Variants in KCNB2 observed in about 807,000 individuals in gnomAD.
The protein encoded by KCNB2 is delayed rectifier potassium channel protein.
Under a neutral mutation model 61.5 loss-of-function variants are expected in KCNB2, and 15 were observed. That is an observed-to-expected ratio of 0.24 (90% CI 0.16 to 0.38). The LOEUF (loss-of-function observed/expected upper bound fraction) is 0.38. Ranked by LOEUF, KCNB2 falls within the 10% of genes least tolerant of loss-of-function variation. The probability of loss-of-function intolerance (pLI) is 1.00; values close to 1 mark genes in which losing one functional copy is unlikely to be tolerated. For missense variants in KCNB2, 828 were observed against 1,125.2 expected (o/e 0.74, Z 3.78); for synonymous variants, 457 against 446.0 (o/e 1.02, Z -0.31).
chr8:72,783,965 C>A (rs1368395530), intron 2 of KCNB2, among the ~76,000 whole-genome samples: 1 of 152,068 alleles, frequency 6.6e-6, no homozygotes, highest in African/African-American at 2.4e-5. Context: ...AGCTGCCTTG[C>A]CATTTAGGAT....
intron 2 of KCNB2, among the ~76,000 whole-genome samples, chr8:72,903,820 ACCT>A (rs1806127177): frequency 2.6e-5 from 4 of 152,140 alleles, no homozygotes; most frequent in Non-Finnish European, 5.9e-5. Context: ...TAGGTGGATT[ACCT>A]AGGTTTTAGA....
At chr8:72,930,877 C>T (rs910534762) in intron 2 of KCNB2, among the ~76,000 whole-genome samples, 13 of 152,152 alleles carry the variant, frequency 8.5e-5, no homozygotes, top group African/African-American at 7.2e-5. Flanking sequence ...TTGCCCATGC[C>T]TATGTCCTGA....
At position 72,537,254 on chromosome 8, in the gene KCNB2, G is replaced by C. The variant is rs1297415009; in HGVS notation, c.-725G>C. ...CCCTGTGTGCGCGCCGGGCCGGCTA[G>C]CTGCGGGGCGGGGGAGCGGCGCCCC... On this transcript the variant is annotated 5_prime_UTR_variant, in exon 1 of 3. Transcript: ENST00000523207. 1 of 151,596 alleles carries C rather than the reference G, an allele frequency of 6.6e-6. No individual in the cohort carries two copies. The highest frequency in any genetic ancestry group is 2.0e-4 in the East Asian group (1 of 5,086). 9.4% of individuals were successfully genotyped at this position (151,596 alleles called of 1,614,324 possible). A position where few individuals can be genotyped will look rare whatever the true frequency, so the allele number is the denominator to read the frequency against.
chr8:72,733,430 G>A (rs917320626), intron 2 of KCNB2, among the ~76,000 whole-genome samples: 1 of 152,102 alleles, frequency 6.6e-6, no homozygotes, highest in African/African-American at 2.4e-5. Flanking sequence ...AGGCAGCCTA[G>A]CATAATGGGT....
At chr8:72,745,994 T>TA (rs761498085) in intron 2 of KCNB2, among the ~76,000 whole-genome samples, 3 of 152,318 alleles carry the variant, frequency 2.0e-5, no homozygotes, top group South Asian at 2.1e-4. Context: ...GCTTGCATAC[T>TA]AAAACTCTCA....
At chr8:72,645,311 A>G (rs1173310756) in intron 2 of KCNB2, among the ~76,000 whole-genome samples, 1 of 152,124 alleles carries the variant, frequency 6.6e-6, no homozygotes, top group African/African-American at 2.4e-5. Flanking sequence ...CAGGCTCCTT[A>G]CAGACCATAT....
intron 2 of KCNB2, among the ~76,000 whole-genome samples, chr8:72,577,309 G>C (rs1409147356): frequency 6.6e-6 from 1 of 151,650 alleles, no homozygotes; most frequent in African/African-American, 2.4e-5. Flanking sequence ...GTGTGTATGT[G>C]TGTGTGTGTG....
chr8:72,703,332 GC>G (rs1191592700), intron 2 of KCNB2, among the ~76,000 whole-genome samples: 1 of 152,162 alleles, frequency 6.6e-6, no homozygotes, highest in Non-Finnish European at 1.5e-5. Flanking sequence ...ATTAGGAAGT[GC>G]CCCTGGACTC....
At chr8:72,728,415 A>G (rs570676822) in intron 2 of KCNB2, among the ~76,000 whole-genome samples, 2 of 152,300 alleles carry the variant, frequency 1.3e-5, no homozygotes, top group African/African-American at 4.8e-5. Flanking sequence ...TCTTTGATCT[A>G]TACATTCATC....
intron 2 of KCNB2, among the ~76,000 whole-genome samples, chr8:72,594,700 G>A (rs541449156): frequency 6.6e-6 from 1 of 152,264 alleles, no homozygotes. Context: ...ATCCAACTCA[G>A]TAAACATGCA....
chr8:72,724,644 A>G (rs1807603436), intron 2 of KCNB2, among the ~76,000 whole-genome samples: 1 of 152,204 alleles, frequency 6.6e-6, no homozygotes, highest in African/African-American at 2.4e-5. Context: ...TAACAATAGT[A>G]TGTCTCGAAT....
intron 2 of KCNB2, among the ~76,000 whole-genome samples, chr8:72,620,055 A>G (rs1008821678): frequency 2.0e-5 from 3 of 152,274 alleles, no homozygotes; most frequent in African/African-American, 7.2e-5. Context: ...ATGCTGCAAT[A>G]ATATTTTGAA....
At chr8:72,768,508 G>C (rs985902625) in intron 2 of KCNB2, among the ~76,000 whole-genome samples, 4 of 150,882 alleles carry the variant, frequency 2.7e-5, no homozygotes, top group African/African-American at 9.8e-5. Context: ...TTTTTTTTTT[G>C]GTGCTGTATT....
chr8:72,595,622 C>G (rs1585773516), intron 2 of KCNB2, among the ~76,000 whole-genome samples: 1 of 152,162 alleles, frequency 6.6e-6, no homozygotes, highest in Non-Finnish European at 1.5e-5. Context: ...TGGCACCTGG[C>G]TGTCCTTGCT....
rs542294594 is a variant in KCNB2, at chr8:72,779,291, A to T, written c.580-156644A>T. 5.9e-5 allele frequency among the ~76,000 whole-genome samples: 9 copies of T among 152,268 alleles called. No individual in the cohort carries two copies. In the South Asian group the frequency reaches 1.5e-3, roughly 25 times the overall value. On this transcript the variant is annotated intron_variant, in intron 2 of 2. Transcript: ENST00000523207. ...GTTTTTGCCTCCATTAAAGGAAGGCATTGGTCTCTCTTCAATTTCACCTAG... is the reference window on the plus strand; with the variant it reads ...GTTTTTGCCTCCATTAAAGGAAGGCTTTGGTCTCTCTTCAATTTCACCTAG...
intron 2 of KCNB2, among the ~76,000 whole-genome samples, chr8:72,609,593 C>G (rs1327707583): frequency 6.6e-6 from 1 of 152,040 alleles, no homozygotes; most frequent in Admixed American, 6.6e-5. Flanking sequence ...TGAACATAAG[C>G]TAGAGTAGAC....
At chr8:72,619,547 A>T (rs200180164) in intron 2 of KCNB2, among the ~76,000 whole-genome samples, 11 of 137,032 alleles carry the variant, frequency 8.0e-5, no homozygotes, top group African/African-American at 2.8e-4. Context: ...TTTTTTTTTA[A>T]TCACACAGCA....
At chr8:72,750,999 T>A (rs1808179204) in intron 2 of KCNB2, 1 of 152,154 alleles carries the variant, frequency 6.6e-6, no homozygotes, top group Non-Finnish European at 1.5e-5. Context: ...TTATTCAATC[T>A]GTCTCCAGTT....
intron 2 of KCNB2, among the ~76,000 whole-genome samples, chr8:72,782,643 A>G (rs1427113866): frequency 1.3e-5 from 2 of 152,118 alleles, no homozygotes; most frequent in African/African-American, 2.4e-5. Flanking sequence ...CTTCTAAGCT[A>G]TCCATTCTAA....
Sources: gnomAD v4.1 joint callset for allele counts (sites outside exome capture counted in the v4.1 genomes callset) on GRCh38, gnomAD v4.1.1 for gene constraint, MANE v1.5 for transcripts, NCBI Gene and HGNC (gene_info 2026-07-23, HGNC 2026-07-21) for gene names.